Variants in PTPRT observed in about 807,000 individuals in gnomAD.
The protein encoded by PTPRT is protein tyrosine phosphatase receptor type T.
PTPRT carries 56 observed loss-of-function variants against 176.8 expected under a neutral mutation model. The observed-to-expected ratio is 0.32, with a 90% confidence interval of 0.26 to 0.40. The LOEUF (loss-of-function observed/expected upper bound fraction) is 0.40. Among genes scored for constraint, PTPRT ranks in the 10% least tolerant of loss-of-function variants. The pLI is 1.00. For synonymous variants in PTPRT, 783 were observed against 739.0 expected, an observed-to-expected ratio of 1.06 and a Z score of -0.96; for missense variants, 1,540 against 1,908.2, an observed-to-expected ratio of 0.81 and a Z score of 3.60.
intron 2 of PTPRT, among the ~76,000 whole-genome samples, chr20:42,872,964 C>G (rs1004751615): frequency 6.6e-6 from 1 of 152,148 alleles, no homozygotes; most frequent in Non-Finnish European, 1.5e-5. Flanking sequence ...TAATGCCTAC[C>G]CAATTCCACC....
At chr20:42,856,950 G>A (rs1357555731) in intron 2 of PTPRT, among the ~76,000 whole-genome samples, 1 of 152,176 alleles carries the variant, frequency 6.6e-6, no homozygotes, top group East Asian at 1.9e-4. Context: ...CACTGGACTA[G>A]CCAGAAAACC....
chr20:42,876,743 T>A (rs1444969248), intron 2 of PTPRT, among the ~76,000 whole-genome samples: 3 of 152,190 alleles, frequency 2.0e-5, no homozygotes, highest in Admixed American at 6.5e-5. Context: ...TATTTTTAAA[T>A]AACCGCCTTC....
intron 1 of PTPRT, among the ~76,000 whole-genome samples, chr20:43,083,796 A>G (rs1458224518): frequency 1.3e-5 from 2 of 152,096 alleles, no homozygotes; most frequent in African/African-American, 4.8e-5. Context: ...GTTCACAGCC[A>G]TCCCTGTTCC....
At position 42,335,494 on chromosome 20, in the gene PTPRT, C is replaced by T. The variant is rs577691524; in HGVS notation, c.1865+15134G>A. ...ATACAGGAGTCAGAAAAGCTTCCCC[C>T]TTCTCCAAAATCAAAATCATATCCT... On this transcript the variant is annotated intron_variant, in intron 11 of 30. Transcript: ENST00000373187. Among the ~76,000 whole-genome samples, 16 of 152,220 alleles carry T rather than the reference C, an allele frequency of 1.1e-4. No homozygotes were observed. In the East Asian group the frequency reaches 3.1e-3, roughly 29 times the overall value.
intron 1 of PTPRT, among the ~76,000 whole-genome samples, chr20:43,057,016 G>T (rs182023536): frequency 6.6e-6 from 1 of 152,032 alleles, no homozygotes; most frequent in African/African-American, 2.4e-5. Context: ...GGGAAAAAAG[G>T]CCAATCTCAA....
chr20:42,941,747 A>G (rs1420901570), intron 1 of PTPRT, among the ~76,000 whole-genome samples: 1 of 152,200 alleles, frequency 6.6e-6, no homozygotes, highest in Non-Finnish European at 1.5e-5. Flanking sequence ...TTAGATGCCC[A>G]GGTTGGTCGT....
At chr20:43,138,659 T>C (rs1222300913) in intron 1 of PTPRT, among the ~76,000 whole-genome samples, 1 of 152,192 alleles carries the variant, frequency 6.6e-6, no homozygotes, top group Non-Finnish European at 1.5e-5. Flanking sequence ...CCCCCTCACC[T>C]GTGACGGGGT....
At chr20:42,977,249 T>C (rs1266288174) in intron 1 of PTPRT, among the ~76,000 whole-genome samples, 1 of 152,166 alleles carries the variant, frequency 6.6e-6, no homozygotes, top group Non-Finnish European at 1.5e-5. Context: ...AATTAGCCCT[T>C]AGAATAATCT....
the PTPRT span, among the ~76,000 whole-genome samples, chr20:42,052,877 C>T: frequency 7.2e-5 from 11 of 152,318 alleles, no homozygotes; most frequent in African/African-American, 2.4e-4. Flanking sequence ...CGGTGGCTTT[C>T]ATCCCAGCTA....
chr20:42,042,508 T>G, the PTPRT span, among the ~76,000 whole-genome samples: 1 of 152,198 alleles, frequency 6.6e-6, no homozygotes. Flanking sequence ...GCTTTCCCTC[T>G]TTAACCAAGG....
chr20:42,704,326 G>T (rs1211909337), intron 6 of PTPRT, among the ~76,000 whole-genome samples: 1 of 151,518 alleles, frequency 6.6e-6, no homozygotes, highest in Non-Finnish European at 1.5e-5. Context: ...GACACCCCAT[G>T]GTTCTCTGTG....
chr20:42,210,567 A>G (rs1011536134), intron 15 of PTPRT, among the ~76,000 whole-genome samples: 3 of 152,038 alleles, frequency 2.0e-5, no homozygotes, highest in Non-Finnish European at 4.4e-5. Context: ...AGAATAAAAT[A>G]CCTAGGAATC....
the PTPRT span, among the ~76,000 whole-genome samples, chr20:42,065,413 A>G: frequency 6.6e-6 from 1 of 152,224 alleles, no homozygotes; most frequent in African/African-American, 2.4e-5. Context: ...CTTGCTGCTG[A>G]TATCATGCAT....
intron 9 of PTPRT, among the ~76,000 whole-genome samples, chr20:42,381,649 G>A (rs1335464155): frequency 6.6e-6 from 1 of 152,060 alleles, no homozygotes; most frequent in Non-Finnish European, 1.5e-5. Context: ...GTGAAAGGAA[G>A]GGAAGGAGGA....
chr20:42,654,891 T>C (rs1032868346), intron 7 of PTPRT, among the ~76,000 whole-genome samples: 16 of 152,248 alleles, frequency 1.1e-4, no homozygotes, highest in African/African-American at 3.6e-4. Context: ...ATATCACTAC[T>C]ACCCGCATTG....
At chr20:42,338,115 A>C (rs925453239) in intron 11 of PTPRT, among the ~76,000 whole-genome samples, 1 of 152,218 alleles carries the variant, frequency 6.6e-6, no homozygotes, top group African/African-American at 2.4e-5. Context: ...GGAAATTAAC[A>C]CCTCAAAGCA....
the PTPRT span, among the ~76,000 whole-genome samples, chr20:42,048,750 C>T: frequency 6.6e-6 from 1 of 152,294 alleles, no homozygotes; most frequent in African/African-American, 2.4e-5. Context: ...TTCCCTCTGA[C>T]CTGTATTAAT....
At chr20:42,473,186 T>C (rs1412327467) in intron 7 of PTPRT, among the ~76,000 whole-genome samples, 2 of 152,194 alleles carry the variant, frequency 1.3e-5, no homozygotes, top group Non-Finnish European at 2.9e-5. Context: ...CTTCCATCCC[T>C]CTTTTTCTCC....
intron 6 of PTPRT, among the ~76,000 whole-genome samples, chr20:42,747,042 G>C (rs1047308059): frequency 6.6e-6 from 1 of 152,064 alleles, no homozygotes; most frequent in Non-Finnish European, 1.5e-5. Flanking sequence ...TAAATTTGTA[G>C]CCAAATCAGA....
Sources: allele counts gnomAD v4.1 joint callset (sites outside exome capture counted in the v4.1 genomes callset), GRCh38; gene constraint gnomAD v4.1.1; transcripts MANE v1.5; gene names NCBI Gene and HGNC (gene_info 2026-07-23, HGNC 2026-07-21).